ANAPC7: variants seen among roughly 807,000 people sequenced by gnomAD.
ANAPC7 encodes anaphase-promoting complex subunit 7.
In ANAPC7, 25 loss-of-function variants were observed where a neutral mutation model predicts 63.3. The observed-to-expected ratio is 0.39, with a 90% confidence interval of 0.29 to 0.55. ANAPC7 has a LOEUF of 0.55. Among genes scored for constraint, ANAPC7 ranks in the 20% least tolerant of loss-of-function variants. The pLI, the probability that ANAPC7 is intolerant of heterozygous loss-of-function variation, is 0.57. For synonymous variants in ANAPC7, 241 were observed against 251.7 expected, an observed-to-expected ratio of 0.96 and a Z score of 0.40; for missense variants, 516 against 691.7, an observed-to-expected ratio of 0.75 and a Z score of 2.85.
chr12:110,380,581 G>A (rs1200378042), intron 8 of ANAPC7, among the ~76,000 whole-genome samples: 1 of 150,696 alleles, frequency 6.6e-6, no homozygotes, highest in African/African-American at 2.4e-5. Context: ...AACCCGGAAG[G>A]TGGAGGTTGC....
At chr12:110,397,193 C>T (rs989883416) in intron 1 of ANAPC7, among the ~76,000 whole-genome samples, 2 of 150,538 alleles carry the variant, frequency 1.3e-5, no homozygotes, top group Non-Finnish European at 3.0e-5. Flanking sequence ...AGCCAGACTC[C>T]GTCTCAACAA....
At chr12:110,390,055 T>A (rs1566272019) in intron 3 of ANAPC7, among the ~76,000 whole-genome samples, 1 of 152,012 alleles carries the variant, frequency 6.6e-6, no homozygotes, top group Non-Finnish European at 1.5e-5. Context: ...ATAAACACAA[T>A]ATTCCAATTT....
At chr12:110,379,125 G>A (rs1467840288) in intron 8 of ANAPC7, 1 of 152,262 alleles carries the variant, frequency 6.6e-6, no homozygotes, top group African/African-American at 2.4e-5. Flanking sequence ...GCCTCCCAAA[G>A]TGCTAGGACT....
At chr12:110,396,994 G>C (rs542206560) in intron 1 of ANAPC7, among the ~76,000 whole-genome samples, 18 of 144,332 alleles carry the variant, frequency 1.2e-4, no homozygotes, top group Non-Finnish European at 2.1e-4. Context: ...TCGAGGTCAG[G>C]AGATCGAGAC....
intron 7 of ANAPC7, among the ~76,000 whole-genome samples, chr12:110,382,409 C>T (rs1210305148): frequency 1.7e-5 from 2 of 117,336 alleles, no homozygotes; most frequent in Non-Finnish European, 3.3e-5. Flanking sequence ...GAGTCATAAA[C>T]TATTATTTGA....
chr12:110,377,855 G>A, intron 8 of ANAPC7: 2 of 1,385,272 alleles, frequency 1.4e-6, no homozygotes, highest in South Asian at 3.2e-5. Context: ...TTCAGTTTAG[G>A]GAAGGAAACA....
rs1881400237 is a variant in ANAPC7 at position 110,377,536 on chromosome 12, G to A, written c.1214C>T (p.Ala405Val). The A allele has an allele frequency of 1.2e-6, 2 of 1,614,190 alleles. No individual in the cohort carries two copies. Among genetic ancestry groups the A allele is most frequent in the South Asian group, 2.2e-5 (2 of 91,076 alleles). The change falls in exon 9 of 11, where the codon GCA (alanine) becomes GTA (valine). Residue 405 changes from alanine to valine, a missense_variant. By Grantham distance (64) the Ala-to-Val change is moderately conservative (BLOSUM62 0). Around this residue, in one of 4 missense-constraint regions of ANAPC7, gnomAD observed 122 missense variants for 212.0 expected, o/e 0.58. Coordinates refer to ENST00000455511, the MANE Select transcript of ANAPC7 (RefSeq NM_016238.3). ...TAAAAGGGTAAGGGTCTGTGCATTT[G>A]CTCCCAGAGTTTTGTAAACGTTGTT... ...MANNVYKTLG[A>V]NAQTLTLLAT...
chr12:110,387,515 C>T, intron 5 of ANAPC7: 1 of 418,154 alleles, frequency 2.4e-6, no homozygotes, highest in Non-Finnish European at 4.2e-6. Flanking sequence ...CCTGTGCAGG[C>T]ACAGAGCTAA....
rs2062267452 is a variant in ANAPC7, at chr12:110,403,681, A to G, written c.-54T>C. 1.9e-6 allele frequency: 3 copies of G among 1,555,786 alleles called. No homozygotes were observed. Among genetic ancestry groups the G allele is most frequent in the African/African-American group, 1.4e-5 (1 of 73,396 alleles). On this transcript the variant is annotated 5_prime_UTR_variant, in exon 1 of 11. Transcript: ENST00000455511. ...GGCAGCACTGACTCGAAAAGCCGGT[A>G]GAGGATCCTTAGGGAAGACTCCAAA... is the stretch of plus-strand genomic sequence containing the variant.
chr12:110,388,419 A>C, intron 4 of ANAPC7, 93 bp downstream of exon 4: 1 of 981,438 alleles, frequency 1.0e-6, no homozygotes, highest in Non-Finnish European at 1.5e-6. Context: ...GAACTTTTAA[A>C]AAAAATAAAG....
intron 3 of ANAPC7, among the ~76,000 whole-genome samples, chr12:110,393,807 C>A (rs1184338160): frequency 7.0e-6 from 1 of 141,976 alleles, no homozygotes; most frequent in East Asian, 2.1e-4. Flanking sequence ...GCAGAGGTTG[C>A]AGTGAGCTGA....
At chr12:110,375,945 T>C in intron 10 of ANAPC7, 121 bp downstream of exon 10, 2 of 1,359,728 alleles carry the variant, frequency 1.5e-6, no homozygotes, top group Non-Finnish European at 1.9e-6. Context: ...CCATTACTAT[T>C]ATTATTCTGC....
intron 9 of ANAPC7, among the ~76,000 whole-genome samples, chr12:110,376,565 T>G (rs1463131255): frequency 9.8e-5 from 1 of 10,174 alleles, no homozygotes; most frequent in Non-Finnish European, 1.7e-4. Flanking sequence ...CGAGACTCCA[T>G]CTCAAAAAAA....
At chr12:110,387,353 C>CAGAGAGAGAGAGAGAGAG (rs796290045) in intron 5 of ANAPC7, 2 of 40,586 alleles carry the variant, frequency 4.9e-5, no homozygotes, top group Non-Finnish European at 4.2e-5. Context: ...GAGAGAGAGA[C>CAGAGAGAGAGAGAGAGAG]AGAGAGAGAG....
intron 1 of ANAPC7, among the ~76,000 whole-genome samples, chr12:110,401,977 A>G (rs2062236239): frequency 7.5e-6 from 1 of 133,530 alleles, no homozygotes; most frequent in African/African-American, 2.9e-5. Flanking sequence ...AAAAAAAAAG[A>G]CCAGACTGGT....
chr12:110,396,151 G>T, intron 2 of ANAPC7, 115 bp downstream of exon 2: 1 of 889,420 alleles, frequency 1.1e-6, no homozygotes, highest in Non-Finnish European at 1.7e-6. Flanking sequence ...CCCACCTCCT[G>T]CTGTGCAGCC....
At chr12:110,377,334 C>T in intron 9 of ANAPC7, 59 bp downstream of exon 9, 7 of 1,477,630 alleles carry the variant, frequency 4.7e-6, no homozygotes, top group Non-Finnish European at 6.5e-6. Flanking sequence ...GGGGCTCCAA[C>T]TGAGGTCAGG....
intron 1 of ANAPC7, among the ~76,000 whole-genome samples, chr12:110,399,290 G>A (rs1360064646): frequency 2.0e-5 from 3 of 151,470 alleles, no homozygotes; most frequent in Non-Finnish European, 4.4e-5. Flanking sequence ...AAAGTGCTGG[G>A]ATTACAGGCG....
chr12:110,396,976 G>A (rs1054210382), intron 1 of ANAPC7, among the ~76,000 whole-genome samples: 2 of 152,028 alleles, frequency 1.3e-5, no homozygotes, highest in East Asian at 3.9e-4. Flanking sequence ...GGCTGAGGGG[G>A]GCGGATCTCG....
Sources: gnomAD v4.1 joint callset for allele counts (sites outside exome capture counted in the v4.1 genomes callset) on GRCh38, gnomAD v4.1.1 for gene constraint, gnomAD v4.1.1 regional missense constraint, MANE v1.5 for transcripts, NCBI Gene and HGNC (gene_info 2026-07-23, HGNC 2026-07-21) for gene names.